The following NSMCE2 variants were observed in gnomAD, a reference collection of about 807,000 sequenced individuals.
NSMCE2 encodes E3 SUMO-protein ligase NSE2.
A neutral mutation model predicts 23.8 loss-of-function variants in NSMCE2; 24 were observed. The observed-to-expected ratio is 1.01, with a 90% CI of 0.73 to 1.42. The LOEUF (loss-of-function observed/expected upper bound fraction) is 1.42. NSMCE2 is among the 40% of genes most tolerant of loss of function. NSMCE2 has a pLI of 0.00. For synonymous variants in NSMCE2, 92 were observed against 94.1 expected (o/e 0.98, Z 0.13); for missense variants, 284 against 296.5 (o/e 0.96, Z 0.31).
chr8:125,306,869 G>A (rs1472179301), intron 5 of NSMCE2, among the ~76,000 whole-genome samples: 5 of 152,032 alleles, frequency 3.3e-5, no homozygotes, highest in African/African-American at 1.2e-4. Context: ...CTGTAAGATG[G>A]GAATATAATG....
At chr8:125,341,860 G>T (rs942297661) in intron 5 of NSMCE2, among the ~76,000 whole-genome samples, 1 of 131,862 alleles carries the variant, frequency 7.6e-6, no homozygotes, top group Non-Finnish European at 1.5e-5. Context: ...CTTTAGGATC[G>T]AGAGTCCATG....
chr8:125,358,766 C>T (rs1010034232), intron 7 of NSMCE2, among the ~76,000 whole-genome samples: 2 of 152,112 alleles, frequency 1.3e-5, no homozygotes, highest in Non-Finnish European at 2.9e-5. Flanking sequence ...TGGTCCAGAC[C>T]TAGAATTGGA....
chr8:125,146,724 C>T (rs543712028), intron 3 of NSMCE2, among the ~76,000 whole-genome samples: 238 of 152,118 alleles, frequency 1.6e-3, no homozygotes, highest in African/African-American at 5.3e-3. Flanking sequence ...GGAAGGGGAA[C>T]GTCACACACT....
At chr8:125,215,063 T>C (rs1824516638) in intron 5 of NSMCE2, among the ~76,000 whole-genome samples, 1 of 151,626 alleles carries the variant, frequency 6.6e-6, no homozygotes, top group African/African-American at 2.4e-5. Flanking sequence ...TATTATACTT[T>C]AAGTTTTAGG....
intron 5 of NSMCE2, among the ~76,000 whole-genome samples, chr8:125,293,929 A>G (rs1828219282): frequency 6.6e-6 from 1 of 152,232 alleles, no homozygotes; most frequent in Non-Finnish European, 1.5e-5. Flanking sequence ...TTTCAAAAAG[A>G]AATCCTGTAT....
rs1051015437 is a variant in NSMCE2, at chr8:125,281,015, C to T, written c.419-76204C>T. On this transcript the variant is annotated intron_variant, in intron 5 of 7. Coordinates refer to ENST00000287437, the MANE Select transcript of NSMCE2 (RefSeq NM_173685.4). ...GTTTTCAGGAAGAAAACTCTGCCTG[C>T]CTATCCAGAATGGGTCGGTGAATGC... 3.3e-5 allele frequency among the ~76,000 whole-genome samples: 5 copies of T among 152,318 alleles called. No individual in the cohort carries two copies. The South Asian group carries it at 1.0e-3, about 32-fold the overall frequency.
chr8:125,100,607 G>A (rs895496595), intron 1 of NSMCE2, among the ~76,000 whole-genome samples: 1 of 151,736 alleles, frequency 6.6e-6, no homozygotes, highest in South Asian at 2.1e-4. Context: ...TGTTGCCCAG[G>A]CTGGAGTGCA....
At chr8:125,240,228 C>G (rs1430097860) in intron 5 of NSMCE2, among the ~76,000 whole-genome samples, 3 of 151,874 alleles carry the variant, frequency 2.0e-5, no homozygotes, top group African/African-American at 4.8e-5. Context: ...GGGTTCAAGC[C>G]ATTCTTCTGC....
At chr8:125,222,710 G>T in intron 5 of NSMCE2, among the ~76,000 whole-genome samples, 1 of 152,108 alleles carries the variant, frequency 6.6e-6, no homozygotes. Flanking sequence ...CTTTTTAAAG[G>T]CTAGCTAGTA....
intron 5 of NSMCE2, among the ~76,000 whole-genome samples, chr8:125,337,708 A>G (rs58318216): frequency 0.069 from 10,507 of 151,778 alleles, 1,176 homozygotes; most frequent in African/African-American, 0.24. Context: ...CAGCCTGACC[A>G]ACATGGAGAA....
intron 5 of NSMCE2, among the ~76,000 whole-genome samples, chr8:125,260,732 C>G: frequency 6.6e-6 from 1 of 151,824 alleles, no homozygotes; most frequent in East Asian, 1.9e-4. Context: ...TCAAGTGATT[C>G]TCATGCCTTA....
chr8:125,317,928 G>GA (rs1829273762), intron 5 of NSMCE2, among the ~76,000 whole-genome samples: 1 of 152,086 alleles, frequency 6.6e-6, no homozygotes, highest in Admixed American at 6.5e-5. Flanking sequence ...AAAGTCAAAA[G>GA]ACAAACTATC....
chr8:125,355,962 G>C (rs1029277797), intron 5 of NSMCE2, among the ~76,000 whole-genome samples: 1 of 152,278 alleles, frequency 6.6e-6, no homozygotes, highest in African/African-American at 2.4e-5. Flanking sequence ...TCAAAGTGCA[G>C]GCCAGGGATC....
chr8:125,311,183 A>T (rs542348446), intron 5 of NSMCE2, among the ~76,000 whole-genome samples: 1 of 152,346 alleles, frequency 6.6e-6, no homozygotes, highest in East Asian at 1.9e-4. Flanking sequence ...TGCACACACA[A>T]CTAGAAGCAG....
intron 5 of NSMCE2, among the ~76,000 whole-genome samples, chr8:125,293,630 C>T (rs183943021): frequency 4.6e-5 from 7 of 151,904 alleles, no homozygotes; most frequent in Admixed American, 4.6e-4. Flanking sequence ...CAGGATTACC[C>T]TAAACATTAT....
intron 3 of NSMCE2, among the ~76,000 whole-genome samples, chr8:125,123,602 A>T (rs1819370515): frequency 6.6e-6 from 1 of 152,228 alleles, no homozygotes; most frequent in African/African-American, 2.4e-5. Context: ...GCGCACACGC[A>T]CACAAACACA....
chr8:125,334,444 TAGA>T (rs1829998712), intron 5 of NSMCE2, among the ~76,000 whole-genome samples: 1 of 152,094 alleles, frequency 6.6e-6, no homozygotes, highest in Non-Finnish European at 1.5e-5. Flanking sequence ...TCAGAGAGCC[TAGA>T]AGGAGCATGG....
intron 3 of NSMCE2, among the ~76,000 whole-genome samples, chr8:125,106,829 C>G (rs562368778): frequency 6.6e-6 from 1 of 151,636 alleles, no homozygotes; most frequent in African/African-American, 2.4e-5. Flanking sequence ...AAACCTGTCT[C>G]TACTAAAAAT....
At chr8:125,141,118 T>C (rs1179188695) in intron 3 of NSMCE2, among the ~76,000 whole-genome samples, 1 of 152,226 alleles carries the variant, frequency 6.6e-6, no homozygotes, top group Non-Finnish European at 1.5e-5. Context: ...TCATATACTT[T>C]ATTTCAAACA....
Sources: gnomAD v4.1 joint callset for allele counts (sites outside exome capture counted in the v4.1 genomes callset) on GRCh38, gnomAD v4.1.1 for gene constraint, MANE v1.5 for transcripts, NCBI Gene and HGNC (gene_info 2026-07-23, HGNC 2026-07-21) for gene names.